PUS7L: variants seen among roughly 807,000 people sequenced by gnomAD.
PUS7L encodes the protein pseudouridylate synthase PUS7L.
In PUS7L, 49 loss-of-function variants were observed where a neutral mutation model predicts 51.1. The ratio of observed to expected loss-of-function variants is 0.96; its 90% CI spans 0.76 to 1.22. The LOEUF is 1.22. PUS7L is among the 50% of genes most tolerant of loss of function. The pLI, the probability that PUS7L is intolerant of heterozygous loss-of-function variation, is 0.00. For missense variants in PUS7L, 828 were observed against 820.6 expected (o/e 1.01, Z -0.11); for synonymous variants, 277 against 276.2 (o/e 1.00, Z -0.03).
At chr12:43,735,936 C>T (rs1389276744) in intron 7 of PUS7L, among the ~76,000 whole-genome samples, 1 of 152,084 alleles carries the variant, frequency 6.6e-6, no homozygotes, top group East Asian at 1.9e-4. Flanking sequence ...GCTACCACAC[C>T]TGGCTAATTT....
chr12:43,742,271 T>C (rs1261372865), intron 5 of PUS7L, among the ~76,000 whole-genome samples, 186 bp downstream of exon 5: 1 of 152,246 alleles, frequency 6.6e-6, no homozygotes, highest in Non-Finnish European at 1.5e-5. Context: ...ACTCACACTG[T>C]TGGCTTTCTT....
intron 2 of PUS7L, among the ~76,000 whole-genome samples, chr12:43,752,600 G>A (rs931601993): frequency 6.6e-6 from 1 of 152,100 alleles, no homozygotes; most frequent in African/African-American, 2.4e-5. Context: ...GATGAATCTC[G>A]ACAACATACT....
At chr12:43,740,979 A>G (rs1937871856) in intron 5 of PUS7L, 1 of 152,230 alleles carries the variant, frequency 6.6e-6, no homozygotes, top group Non-Finnish European at 1.5e-5. Context: ...GCAGCCTCAC[A>G]AGAAACCCTG....
Position 43,726,984 on chromosome 12 carries a change from G to T in PUS7L, c.*3392C>A, listed in dbSNP as rs1328869185. ...AGGTCTGATATCCAGAATCTATGAA[G>T]AACTTAACAAGCAAAAAATTATCCC... On this transcript the variant is annotated 3_prime_UTR_variant, in exon 9 of 9. Coordinates refer to ENST00000344862, the MANE Select transcript of PUS7L (RefSeq NM_031292.5). 6 of 151,944 alleles carry T rather than the reference G, an allele frequency of 3.9e-5. 1 individual carries two copies. The highest frequency in any genetic ancestry group is 8.8e-5 in the Non-Finnish European group (6 of 67,958). 9.4% of individuals were successfully genotyped at this position (151,944 alleles called of 1,614,324 possible).
chr12:43,735,966 G>A (rs1327554032), intron 7 of PUS7L, among the ~76,000 whole-genome samples: 1 of 151,908 alleles, frequency 6.6e-6, no homozygotes, highest in Non-Finnish European at 1.5e-5. Flanking sequence ...AGTAGAGATG[G>A]GGCTTCACCA....
rs1403594730 is a variant in PUS7L, at chr12:43,736,591, C to CACTTTG, written c.1514_1515insCAAAGT (p.Leu505delinsPheLysVal). On this transcript the variant is annotated protein_altering_variant, in exon 7 of 9. Transcript: ENST00000344862. ...CTTCCTCGGTCATGCCAAAGCGGTGCAATGCCTCCAACAATGCTCTCTCAC... is the reference window on the plus strand; with the variant it reads ...CTTCCTCGGTCATGCCAAAGCGGTGCACTTTGAATGCCTCCAACAATGCTCTCTCAC... The CACTTTG allele has an allele frequency of 6.2e-7, 1 of 1,614,066 alleles. No individual in the cohort carries two copies. The highest frequency in any genetic ancestry group is 1.3e-5 in the African/African-American group (1 of 74,938).
chr12:43,729,622 CTA>C lies in PUS7L; in HGVS notation c.*752_*753del, dbSNP rs1420982555. 6.3e-6 allele frequency: 1 copy of C among 158,610 alleles called. No individual in the cohort carries two copies. Among genetic ancestry groups the C allele is most frequent in the African/African-American group, 2.4e-5 (1 of 41,758 alleles). The allele number at this position is 158,610 out of a possible 1,614,324, so 9.8% of individuals were successfully genotyped here. A position where few individuals can be genotyped will look rare whatever the true frequency, so the allele number is the denominator to read the frequency against. The stretch of plus-strand genomic sequence containing the variant: ...TTATGAAGTTGTAATTGTCTTGATT[CTA>C]TCAGTAACCACACACAAAAAAATCA... On this transcript the variant is annotated 3_prime_UTR_variant, in exon 9 of 9. Coordinates refer to ENST00000344862, the MANE Select transcript of PUS7L (RefSeq NM_031292.5).
At chr12:43,738,162 T>C (rs1168417499) in intron 6 of PUS7L, 148 bp downstream of exon 6, 1 of 571,632 alleles carries the variant, frequency 1.7e-6, no homozygotes, top group Middle Eastern at 4.3e-4. Context: ...AGTGCCTAAG[T>C]CATGTAATAA....
chr12:43,730,672 G>T lies in PUS7L; in HGVS notation c.1810C>A (p.Gln604Lys), dbSNP rs757277745. 1.3e-5 allele frequency: 21 copies of T among 1,609,454 alleles called. No individual in the cohort carries two copies. Among genetic ancestry groups the T allele is most frequent in the Non-Finnish European group, 1.7e-5 (20 of 1,176,442 alleles). Reference sequence around the variant, plus strand: ...TGCCCTACTTTGTTCTTCGGGTACTGAATATTGTATCCAAGTACTGGAAGA... The same window carrying T: ...TGCCCTACTTTGTTCTTCGGGTACTTAATATTGTATCCAAGTACTGGAAGA... ...VVLPVLGYNI[Q>K]YPKNKVGQWY... Residue 604 changes from glutamine to lysine, a missense_variant, in exon 9 of 9, where the codon CAG (glutamine) becomes AAG (lysine). Coordinates refer to ENST00000344862, the MANE Select transcript of PUS7L (RefSeq NM_031292.5).
At chr12:43,742,618 C>A in intron 4 of PUS7L, 63 bp from the exon 5 acceptor site, 2 of 1,471,176 alleles carry the variant, frequency 1.4e-6, no homozygotes, top group Non-Finnish European at 1.8e-6. Flanking sequence ...TCAAAATACA[C>A]AATTGAATTT....
chr12:43,746,068 A>G lies in PUS7L; in HGVS notation c.1241T>C (p.Met414Thr). The stretch of plus-strand genomic sequence containing the variant: ...TACCTTAACATTTTCTATTGCTTCC[A>G]TAATTCTCTCCCTCAGGTTTGCAGA... ...NDSANLRERI[M>T]EAIENVKKKG... Residue 414 changes from methionine to threonine, a missense_variant, in exon 4 of 9, where the codon ATG (methionine) becomes ACG (threonine). Met to Thr is a moderately conservative substitution (Grantham distance 81). Transcript: ENST00000344862. 1 of 1,506,606 alleles carries G rather than the reference A, an allele frequency of 6.6e-7. No homozygotes were observed. Among genetic ancestry groups the G allele is most frequent in the East Asian group, 2.3e-5 (1 of 43,750 alleles). The allele number at this position is 1,506,606 out of a possible 1,614,324, so 93.3% of individuals were successfully genotyped here.
intron 1 of PUS7L, among the ~76,000 whole-genome samples, chr12:43,757,974 T>A (rs956989440): frequency 1.3e-5 from 2 of 152,166 alleles, no homozygotes; most frequent in African/African-American, 4.8e-5. Flanking sequence ...TTAGAATCTA[T>A]TGGGTGGTCA....
At position 43,728,930 on chromosome 12, in the gene PUS7L, C is replaced by T. The variant is rs555734864; in HGVS notation, c.*1446G>A. On this transcript the variant is annotated 3_prime_UTR_variant, in exon 9 of 9. Transcript: ENST00000344862. ...CCCAAGGCTGCAGTGCTATACGTGG[C>T]AGTGCCAGGGTTCAAACTGGGTTAG... 3.6e-6 allele frequency: 1 copy of T among 275,898 alleles called. No individual in the cohort carries two copies. The allele number at this position is 275,898 out of a possible 1,614,324, so 17.1% of individuals were successfully genotyped here.
At chr12:43,751,121 C>G (rs1420164873) in intron 2 of PUS7L, among the ~76,000 whole-genome samples, 4 of 152,014 alleles carry the variant, frequency 2.6e-5, no homozygotes, top group Non-Finnish European at 5.9e-5. Flanking sequence ...TTGGTGGTTC[C>G]AGTTCAGGCT....
chr12:43,739,428 A>G (rs1387333269), intron 5 of PUS7L: 1 of 152,162 alleles, frequency 6.6e-6, no homozygotes, highest in Non-Finnish European at 1.5e-5. Flanking sequence ...CACAGCCACA[A>G]ATATCTTTTT....
At chr12:43,732,714 G>C (rs112530770) in intron 7 of PUS7L, among the ~76,000 whole-genome samples, 2 of 152,164 alleles carry the variant, frequency 1.3e-5, no homozygotes, top group African/African-American at 4.8e-5. Context: ...ACAGTGTCTA[G>C]AGCCCCTCTA....
At position 43,730,316 on chromosome 12, in the gene PUS7L, AT is replaced by A; in HGVS notation, c.*59del. ...CTAACACATGGAAGGTGCTTAAGAC[AT>A]TTTAGCCCCCTTTCCTTCAAAGAGT... On this transcript the variant is annotated 3_prime_UTR_variant, in exon 9 of 9. Transcript: ENST00000344862. The A allele has an allele frequency of 7.7e-7, 1 of 1,295,966 alleles. No homozygotes were observed. The highest frequency in any genetic ancestry group is 1.1e-6 in the Non-Finnish European group (1 of 917,640). 80.3% of individuals were successfully genotyped at this position (1,295,966 alleles called of 1,614,324 possible).
Position 43,730,631 on chromosome 12 carries a change from T to C in PUS7L, c.1851A>G (p.Ile617Met), listed in dbSNP as rs1296159651. Residue 617 changes from isoleucine (I) to methionine (M), a missense_variant, in exon 9 of 9, where the codon ATA becomes ATG. Transcript: ENST00000344862. ...KNKVGQWYHD[I>M]LSRDGLQTCR... is the part of the protein sequence containing the mutation. ...ATGTCTGTAGTCCATCTCTGCTAAG[T>C]ATGTCATGGTACCACTGCCCTACTT... The C allele has an allele frequency of 1.2e-6, 2 of 1,613,642 alleles. No individual in the cohort carries two copies. The highest frequency in any genetic ancestry group is 1.3e-5 in the African/African-American group (1 of 74,910).
intron 3 of PUS7L, among the ~76,000 whole-genome samples, chr12:43,746,932 G>A (rs962357080): frequency 6.6e-6 from 1 of 152,120 alleles, no homozygotes; most frequent in African/African-American, 2.4e-5. Context: ...CCTTAGAGGG[G>A]AGCTTTCATC....
Sources: allele counts gnomAD v4.1 joint callset (sites outside exome capture counted in the v4.1 genomes callset), GRCh38; gene constraint gnomAD v4.1.1; transcripts MANE v1.5; gene names NCBI Gene and HGNC (gene_info 2026-07-23, HGNC 2026-07-21).